The following MTA3 variants were observed in gnomAD, a reference collection of about 807,000 sequenced individuals.
The protein encoded by MTA3 is metastasis-associated protein MTA3.
Under a neutral mutation model 83.5 loss-of-function variants are expected in MTA3, and 34 were observed. The ratio of observed to expected loss-of-function variants is 0.41; its 90% CI spans 0.31 to 0.54. The LOEUF (loss-of-function observed/expected upper bound fraction) is 0.54. Among genes scored for constraint, MTA3 ranks in the 20% least tolerant of loss-of-function variants. MTA3 has a pLI of 0.33. For missense variants in MTA3, 761 were observed against 726.4 expected (o/e 1.05, Z -0.55); for synonymous variants, 303 against 252.7 (o/e 1.20, Z -1.89).
At chr2:42,543,044 A>C (rs1458305877) in intron 2 of MTA3, among the ~76,000 whole-genome samples, 1 of 151,946 alleles carries the variant, frequency 6.6e-6, no homozygotes, top group Non-Finnish European at 1.5e-5. Flanking sequence ...TTGGTCCAAG[A>C]GCTCAGGACA....
chr2:42,606,662 A>G (rs1683461870), intron 3 of MTA3, among the ~76,000 whole-genome samples: 1 of 150,686 alleles, frequency 6.6e-6, no homozygotes, highest in African/African-American at 2.4e-5. Context: ...GACACTCCTC[A>G]CTTCCCAGAC....
At chr2:42,729,491 G>T (rs1021653363) in intron 16 of MTA3, among the ~76,000 whole-genome samples, 12 of 152,236 alleles carry the variant, frequency 7.9e-5, no homozygotes, top group Middle Eastern at 3.4e-3. Flanking sequence ...TTATTATTCT[G>T]CATATGGCTA....
intron 8 of MTA3, among the ~76,000 whole-genome samples, chr2:42,671,971 G>C (rs1690836397): frequency 6.6e-6 from 1 of 152,176 alleles, no homozygotes; most frequent in Non-Finnish European, 1.5e-5. Context: ...TAAAGGCCAA[G>C]ATCAGTGTGG....
At chr2:42,699,330 T>G (rs1353672768) in intron 11 of MTA3, among the ~76,000 whole-genome samples, 1 of 152,098 alleles carries the variant, frequency 6.6e-6, no homozygotes, top group Non-Finnish European at 1.5e-5. Flanking sequence ...GCCCCCCAGG[T>G]AGCTGGGACT....
rs1282138785 is a variant in MTA3 at position 42,755,248 on chromosome 2, C to T, written c.*1849C>T. On this transcript the variant is annotated 3_prime_UTR_variant, in exon 17 of 17. Transcript: ENST00000405094. ...CCCAGAAGGGGAAATGATTCCCTCACCCTTTCACTTTCTCTCTGAACCCCT... is the reference window on the plus strand; with the variant it reads ...CCCAGAAGGGGAAATGATTCCCTCATCCTTTCACTTTCTCTCTGAACCCCT... The T allele has an allele frequency of 7.1e-6, 7 of 985,382 alleles. No individual in the cohort carries two copies. Among genetic ancestry groups the T allele is most frequent in the African/African-American group, 3.5e-5 (2 of 57,250 alleles). 61.0% of individuals were successfully genotyped at this position (985,382 alleles called of 1,614,324 possible).
rs549878987 is a variant in MTA3 at position 42,598,051 on chromosome 2, G to A, written c.191-11407G>A. Among the ~76,000 whole-genome samples the A allele has an allele frequency of 5.3e-5, 8 of 150,918 alleles. No homozygotes were observed. The South Asian group carries it at 1.7e-3, about 32-fold the overall frequency. ...CATTCACTGAATTCCGGATCTTTTT[G>A]CTACTATTTTTATTTCTTTTCTTTT... On this transcript the variant is annotated intron_variant, in intron 3 of 16. Transcript: ENST00000405094.
chr2:42,529,041 A>G (rs1675842837), intron 2 of MTA3, among the ~76,000 whole-genome samples: 1 of 152,234 alleles, frequency 6.6e-6, no homozygotes, highest in African/African-American at 2.4e-5. Flanking sequence ...ACAGTTTACC[A>G]TGTGAAAAAG....
At chr2:42,578,901 TG>T (rs1201880003) in intron 2 of MTA3, among the ~76,000 whole-genome samples, 5 of 152,216 alleles carry the variant, frequency 3.3e-5, no homozygotes, top group Admixed American at 2.0e-4. Context: ...TGTTATTATA[TG>T]TTTGACATTC....
intron 3 of MTA3, among the ~76,000 whole-genome samples, chr2:42,606,356 G>A (rs1445337596): frequency 2.7e-5 from 4 of 146,654 alleles, no homozygotes; most frequent in South Asian, 2.2e-4. Context: ...GGCAGCTGCC[G>A]GGCGGAGGGG....
intron 3 of MTA3, among the ~76,000 whole-genome samples, chr2:42,600,033 A>G (rs1275512645): frequency 1.6e-5 from 1 of 63,058 alleles, no homozygotes; most frequent in Non-Finnish European, 3.0e-5. Flanking sequence ...TGTCTGTACT[A>G]AAAATACAAA....
intron 4 of MTA3, among the ~76,000 whole-genome samples, chr2:42,612,371 T>C (rs1014582922): frequency 1.3e-5 from 2 of 151,916 alleles, no homozygotes; most frequent in Non-Finnish European, 2.9e-5. Context: ...TGTGCCACCA[T>C]GCCTGGCTAA....
chr2:42,609,022 TAAATGTTTAA>T, intron 3 of MTA3, among the ~76,000 whole-genome samples: 1 of 142,840 alleles, frequency 7.0e-6, no homozygotes, highest in South Asian at 2.3e-4. Context: ...ACTGACAAGA[TAAATGTTTAA>T]TTTTTTTTTT....
chr2:42,625,216 G>A (rs1685956442), intron 4 of MTA3, among the ~76,000 whole-genome samples: 1 of 151,622 alleles, frequency 6.6e-6, no homozygotes, highest in African/African-American at 2.4e-5. Context: ...ATTTTTAGTA[G>A]AGATGGGGTT....
intron 2 of MTA3, among the ~76,000 whole-genome samples, chr2:42,541,870 A>T (rs986989679): frequency 1.3e-5 from 2 of 152,148 alleles, no homozygotes; most frequent in Non-Finnish European, 2.9e-5. Context: ...TCTTGTCCAG[A>T]TGGCTACTGT....
Position 42,756,139 on chromosome 2 carries a change from G to A in MTA3, c.*2740G>A. ...AACCCAGAGGTGGGGAACAACAACA[G>A]CAAGCCGCCCCCATCCTGAGACTGG... On this transcript the variant is annotated 3_prime_UTR_variant, in exon 17 of 17. Transcript: ENST00000405094. 1.9e-6 allele frequency: 1 copy of A among 517,748 alleles called. No homozygotes were observed. The highest frequency in any genetic ancestry group is 2.5e-6 in the Non-Finnish European group (1 of 402,162). 32.1% of individuals were successfully genotyped at this position (517,748 alleles called of 1,614,324 possible). A position where few individuals can be genotyped will look rare whatever the true frequency, so the allele number is the denominator to read the frequency against.
At chr2:42,656,650 A>T (rs931940852) in intron 7 of MTA3, among the ~76,000 whole-genome samples, 7 of 152,182 alleles carry the variant, frequency 4.6e-5, no homozygotes, top group Admixed American at 3.9e-4. Flanking sequence ...AGGTATCAAT[A>T]AGAATGTGCA....
intron 2 of MTA3, among the ~76,000 whole-genome samples, chr2:42,576,753 C>G (rs564841747): frequency 6.6e-6 from 1 of 152,102 alleles, no homozygotes; most frequent in African/African-American, 2.4e-5. Context: ...CAAAATTAGC[C>G]GGGCATGGTG....
At chr2:42,623,356 T>G (rs572031090) in intron 4 of MTA3, among the ~76,000 whole-genome samples, 1 of 152,282 alleles carries the variant, frequency 6.6e-6, no homozygotes, top group South Asian at 2.1e-4. Context: ...ACCTGCATGC[T>G]TTTTATAAAA....
At chr2:42,703,471 A>G (rs1425921500) in intron 11 of MTA3, 1 of 152,256 alleles carries the variant, frequency 6.6e-6, no homozygotes, top group Non-Finnish European at 1.5e-5. Flanking sequence ...CACAGCCCCC[A>G]CACCAGCAGC....
Sources: allele counts gnomAD v4.1 joint callset (sites outside exome capture counted in the v4.1 genomes callset), GRCh38; gene constraint gnomAD v4.1.1; transcripts MANE v1.5; gene names NCBI Gene and HGNC (gene_info 2026-07-23, HGNC 2026-07-21).